Variants in FOXO1 observed in about 807,000 individuals in gnomAD.
FOXO1 encodes the protein forkhead box protein O1.
In FOXO1, 6 loss-of-function variants were observed where a neutral mutation model predicts 44.1. The ratio of observed to expected loss-of-function variants is 0.14; its 90% CI spans 0.07 to 0.27. The LOEUF (loss-of-function observed/expected upper bound fraction) is 0.27, where lower values mean the gene tolerates loss of function less well. Among genes scored for constraint, FOXO1 ranks in the 10% least tolerant of loss-of-function variants. The pLI is 1.00. For synonymous variants in FOXO1, 380 were observed against 362.7 expected (o/e 1.05, Z -0.54); for missense variants, 737 against 888.8 (o/e 0.83, Z 2.17).
intron 1 of FOXO1, among the ~76,000 whole-genome samples, chr13:40,634,524 A>G (rs1044195890): frequency 6.6e-6 from 1 of 152,180 alleles, no homozygotes; most frequent in Admixed American, 6.5e-5. Context: ...AAATTTAAAA[A>G]TAAGCACCTG....
chr13:40,612,363 C>T (rs1268846605), intron 1 of FOXO1, among the ~76,000 whole-genome samples: 1 of 152,062 alleles, frequency 6.6e-6, no homozygotes, highest in East Asian at 1.9e-4. Context: ...GACACAGCTA[C>T]GAAGATAAAG....
rs183464305 is a variant in FOXO1, at chr13:40,656,097, T to G, written c.630+9486A>C. ...CAAGTACACTTAACAGTTAATACAT[T>G]CAGTCCTATTGGACTGTAATGGTGT... On this transcript the variant is annotated intron_variant, in intron 1 of 2. Transcript: ENST00000379561. Among the ~76,000 whole-genome samples, 254 of 152,340 alleles carry G rather than the reference T, an allele frequency of 1.7e-3. 1 individual carries two copies. Among genetic ancestry groups the G allele is most frequent in the Admixed American group, 0.012 (187 of 15,302 alleles).
intron 1 of FOXO1, among the ~76,000 whole-genome samples, chr13:40,633,109 G>C (rs948926014): frequency 2.0e-5 from 3 of 152,164 alleles, no homozygotes; most frequent in African/African-American, 4.8e-5. Context: ...ACAATAACAA[G>C]TGTCATCAAG....
At chr13:40,596,069 C>CA (rs1374399850) in intron 1 of FOXO1, among the ~76,000 whole-genome samples, 17 of 151,394 alleles carry the variant, frequency 1.1e-4, no homozygotes, top group Middle Eastern at 3.4e-3. Context: ...ACAGGGGTTT[C>CA]AGCCTATGTG....
intron 1 of FOXO1, among the ~76,000 whole-genome samples, chr13:40,663,332 T>C (rs898335777): frequency 1.3e-5 from 2 of 152,242 alleles, no homozygotes; most frequent in Non-Finnish European, 2.9e-5. Context: ...TCTTAAAAAG[T>C]GTAAGCATAT....
At chr13:40,654,407 C>T (rs186857514) in intron 1 of FOXO1, among the ~76,000 whole-genome samples, 14 of 140,944 alleles carry the variant, frequency 9.9e-5, no homozygotes, top group African/African-American at 1.8e-4. Flanking sequence ...GAGGCTGAGA[C>T]GGAGAACTAC....
chr13:40,625,234 G>A (rs1049717090), intron 1 of FOXO1, among the ~76,000 whole-genome samples: 5 of 152,190 alleles, frequency 3.3e-5, no homozygotes, highest in African/African-American at 4.8e-5. Context: ...GTGGCATGTT[G>A]ATAATTTATT....
Position 40,559,809 on chromosome 13 carries a change from G to A in FOXO1, c.1682C>T (p.Pro561Leu). ...GMNRLTQVKT[P>L]VQVPLPHPMQ... ...GGGGTGGGGCAGAGGCACTTGTACA[G>A]GTGTCTTCACTTGGGTCAGGCGGTT... The change falls in exon 2 of 3, where the codon CCT (proline) becomes CTT (leucine). Residue 561 changes from proline to leucine, a missense_variant. Pro to Leu is a moderately conservative substitution (Grantham distance 98). This residue lies in a region of FOXO1 where 283 missense variants were observed against 278.1 expected (regional missense o/e 1.02). Transcript: ENST00000379561. The A allele has an allele frequency of 1.9e-6, 3 of 1,614,060 alleles. No homozygotes were observed. The highest frequency in any genetic ancestry group is 2.2e-5 in the East Asian group (1 of 44,880).
chr13:40,603,694 T>C (rs527741048), intron 1 of FOXO1, among the ~76,000 whole-genome samples: 2 of 152,242 alleles, frequency 1.3e-5, no homozygotes, highest in African/African-American at 4.8e-5. Context: ...AACTACAGAG[T>C]TCTTCATGGT....
intron 1 of FOXO1, among the ~76,000 whole-genome samples, chr13:40,631,017 A>G (rs1185064585): frequency 6.6e-6 from 1 of 152,156 alleles, no homozygotes; most frequent in Non-Finnish European, 1.5e-5. Context: ...TGTGGGGTGG[A>G]TAAGTGAGAA....
At position 40,593,070 on chromosome 13, in the gene FOXO1, T is replaced by C. The variant is rs1418211753; in HGVS notation, c.631-32210A>G. Among the ~76,000 whole-genome samples, 7 of 152,148 alleles carry C rather than the reference T, an allele frequency of 4.6e-5. No homozygotes were observed. In the South Asian group the frequency reaches 1.0e-3, roughly 22 times the overall value. Reference sequence around the variant, plus strand: ...ACAGGGTCTCACTCTGTCACCCACATTGGAGTGCAGTGGCGTGATCATTGC... The same window carrying C: ...ACAGGGTCTCACTCTGTCACCCACACTGGAGTGCAGTGGCGTGATCATTGC... On this transcript the variant is annotated intron_variant, in intron 1 of 2. Transcript: ENST00000379561.
rs141501025 is a variant in FOXO1, at chr13:40,592,893, A to C, written c.631-32033T>G. On this transcript the variant is annotated intron_variant, in intron 1 of 2. Coordinates refer to ENST00000379561, the MANE Select transcript of FOXO1 (RefSeq NM_002015.4). ...CATGATCAAACATAATTAAAGGTAT[A>C]TGGTTTCTAGTACCAAACCAATAAG... Among the ~76,000 whole-genome samples the C allele has an allele frequency of 4.6e-5, 7 of 152,350 alleles. No homozygotes were observed. The East Asian group carries it at 1.3e-3, about 29-fold the overall frequency.
At chr13:40,561,943 C>CAAAAAAA (rs60373589) in intron 1 of FOXO1, among the ~76,000 whole-genome samples, 2 of 67,552 alleles carry the variant, frequency 3.0e-5, no homozygotes, top group Admixed American at 1.6e-4. Flanking sequence ...ACTCTGTCGC[C>CAAAAAAA]AAAAAAAAAA....
rs1402288199 is a variant in FOXO1, at chr13:40,556,124, A to G, written c.*2925T>C. 6.6e-6 allele frequency: 1 copy of G among 152,264 alleles called. No homozygotes were observed. Among genetic ancestry groups the G allele is most frequent in the East Asian group, 1.9e-4 (1 of 5,202 alleles). The allele number at this position is 152,264 out of a possible 1,614,324, so 9.4% of individuals were successfully genotyped here. A position where few individuals can be genotyped will look rare whatever the true frequency, so the allele number is the denominator to read the frequency against. On this transcript the variant is annotated 3_prime_UTR_variant, in exon 3 of 3. Coordinates refer to ENST00000379561, the MANE Select transcript of FOXO1 (RefSeq NM_002015.4). ...AATTAGTTATAAATTAAGAACTCTTAGGAGCTTGAATGTAAGAATTTTAAG... is the reference window on the plus strand; with the variant it reads ...AATTAGTTATAAATTAAGAACTCTTGGGAGCTTGAATGTAAGAATTTTAAG...
rs1369422179 is a variant in FOXO1, at chr13:40,666,458, G to C, written c.-246C>G. On this transcript the variant is annotated 5_prime_UTR_variant, in exon 1 of 3. Coordinates refer to ENST00000379561, the MANE Select transcript of FOXO1 (RefSeq NM_002015.4). Reference sequence around the variant, plus strand: ...GCCGCACGGACTGGACGGCCGGCCAGAGCCGCCGGGCCGGGGCAGAGCCTG... The same window carrying C: ...GCCGCACGGACTGGACGGCCGGCCACAGCCGCCGGGCCGGGGCAGAGCCTG... The C allele has an allele frequency of 5.4e-6, 2 of 370,438 alleles. No individual in the cohort carries two copies. Among genetic ancestry groups the C allele is most frequent in the Non-Finnish European group, 9.6e-6 (2 of 207,338 alleles). The allele number at this position is 370,438 out of a possible 1,614,324, so 22.9% of individuals were successfully genotyped here.
intron 1 of FOXO1, among the ~76,000 whole-genome samples, chr13:40,609,366 A>G (rs1270381137): frequency 2.6e-5 from 4 of 152,018 alleles, no homozygotes. Context: ...CTTACTTTGG[A>G]AAGGATGTAA....
chr13:40,655,745 G>A (rs1877840049), intron 1 of FOXO1, among the ~76,000 whole-genome samples: 1 of 149,300 alleles, frequency 6.7e-6, no homozygotes, highest in African/African-American at 2.5e-5. Flanking sequence ...CAGGTCTGAG[G>A]CATTTTCGTG....
intron 1 of FOXO1, among the ~76,000 whole-genome samples, chr13:40,649,164 C>T (rs1370557995): frequency 6.6e-6 from 1 of 152,150 alleles, no homozygotes; most frequent in Admixed American, 6.5e-5. Flanking sequence ...GGGCACATGA[C>T]TAAGTGGAAA....
intron 1 of FOXO1, among the ~76,000 whole-genome samples, chr13:40,660,148 G>T (rs1380582787): frequency 6.6e-6 from 1 of 152,170 alleles, no homozygotes; most frequent in Admixed American, 6.5e-5. Context: ...AAGGTGCTTG[G>T]TTATATGACC....
Sources: gnomAD v4.1 joint callset for allele counts (sites outside exome capture counted in the v4.1 genomes callset) on GRCh38, gnomAD v4.1.1 for gene constraint, gnomAD v4.1.1 regional missense constraint, MANE v1.5 for transcripts, NCBI Gene and HGNC (gene_info 2026-07-23, HGNC 2026-07-21) for gene names.